The following PDXDC1 variants were observed in gnomAD, a reference collection of about 807,000 sequenced individuals.
PDXDC1 encodes the protein pyridoxal-dependent decarboxylase domain-containing protein 1.
PDXDC1 carries 42 observed loss-of-function variants against 100.1 expected under a neutral mutation model. The ratio of observed to expected loss-of-function variants is 0.42; its 90% confidence interval spans 0.33 to 0.54. PDXDC1 has a LOEUF of 0.54. PDXDC1 is among the 20% of genes least tolerant of loss of function. The pLI, the probability that PDXDC1 is intolerant of heterozygous loss-of-function variation, is 0.10. For missense variants in PDXDC1, 636 were observed against 979.2 expected (o/e 0.65, Z 4.68); for synonymous variants, 260 against 371.7 (o/e 0.70, Z 3.46).
downstream of PDXDC1, among the ~76,000 whole-genome samples, chr16:15,142,526 C>T (rs1157320970): frequency 6.6e-6 from 1 of 151,868 alleles, no homozygotes; most frequent in Non-Finnish European, 1.5e-5. Context: ...GGTGTGGAAG[C>T]GTCTGCCCTG....
chr16:15,091,216 G>A (rs1238907286), intron 16 of PDXDC1: 2 of 1,464,886 alleles, frequency 1.4e-6, no homozygotes, highest in African/African-American at 1.4e-5. Context: ...GGACCATGGA[G>A]AGAGCAAGTT....
At position 15,127,958 on chromosome 16, in the gene PDXDC1, T is replaced by A. The variant is rs1202569841; in HGVS notation, c.1400-10921T>A. 6 of 1,538,120 alleles carry A rather than the reference T, an allele frequency of 3.9e-6. No individual in the cohort carries two copies. The South Asian group carries it at 6.8e-5, about 17-fold the overall frequency. Reference sequence around the variant, plus strand: ...CGGGGCAGGACCACCCTGCCCAACCTCCCACGGAGTGGGAACATGGAACGA... The same window carrying A: ...CGGGGCAGGACCACCCTGCCCAACCACCCACGGAGTGGGAACATGGAACGA... On this transcript the variant is annotated intron_variant, in intron 16 of 16. Coordinates refer to the PDXDC1 transcript ENST00000535621.
chr16:15,130,447 C>G, intron 16 of PDXDC1: 1 of 1,474,810 alleles, frequency 6.8e-7, no homozygotes, highest in South Asian at 1.1e-5. Context: ...CCCACTGGGT[C>G]TCTGGTCCTG....
At chr16:15,006,905 A>G (rs1303762635) in intron 6 of PDXDC1, among the ~76,000 whole-genome samples, 4 of 152,284 alleles carry the variant, frequency 2.6e-5, no homozygotes, top group African/African-American at 9.6e-5. Flanking sequence ...ATAATTTTTC[A>G]AAGTATAGTT....
intron 16 of PDXDC1, chr16:15,128,084 G>C (rs748599715): frequency 3.1e-6 from 5 of 1,608,284 alleles, no homozygotes; most frequent in Non-Finnish European, 4.2e-6. Context: ...GCTGTGTGCC[G>C]TCTGCAGGTC....
chr16:15,068,229 T>C, intron 16 of PDXDC1: 1 of 1,593,208 alleles, frequency 6.3e-7, no homozygotes, highest in Non-Finnish European at 8.5e-7. Context: ...GGGATTTAGC[T>C]GGCTCATCAC....
At position 14,979,656 on chromosome 16, in the gene PDXDC1, C is replaced by G. The variant is rs1967503209; in HGVS notation, c.21+4436C>G. ...CTTTGACCCTGTTTCTGACCTAAATCAGCACAACTCAGCCCATTTTTGGTT... is the reference window on the plus strand; with the variant it reads ...CTTTGACCCTGTTTCTGACCTAAATGAGCACAACTCAGCCCATTTTTGGTT... On this transcript the variant is annotated intron_variant, in intron 1 of 22. Coordinates refer to ENST00000396410, the MANE Select transcript of PDXDC1 (RefSeq NM_015027.4). 2.0e-5 allele frequency among the ~76,000 whole-genome samples: 3 copies of G among 152,412 alleles called. No homozygotes were observed. In the South Asian group the frequency reaches 6.2e-4, roughly 32 times the overall value.
intron 16 of PDXDC1, chr16:15,072,967 G>C: frequency 6.2e-7 from 1 of 1,613,576 alleles, no homozygotes; most frequent in Non-Finnish European, 8.5e-7. Context: ...AAACTACAGA[G>C]GTAAAACATG....
At chr16:15,127,964 G>C in intron 16 of PDXDC1, 1 of 1,540,478 alleles carries the variant, frequency 6.5e-7, no homozygotes, top group African/African-American at 1.4e-5. Context: ...AACCTCCCAC[G>C]GAGTGGGAAC....
At chr16:15,027,654 G>A (rs1420504821) in intron 14 of PDXDC1, among the ~76,000 whole-genome samples, 3 of 152,404 alleles carry the variant, frequency 2.0e-5, no homozygotes, top group South Asian at 2.1e-4. Context: ...GCCAAACTCC[G>A]CCTCGTCCCC....
rs1459472196 is a variant in PDXDC1, at chr16:14,979,825, G to A, written c.21+4605G>A. On this transcript the variant is annotated intron_variant, in intron 1 of 22. Transcript: ENST00000396410. ...ATCATTACTTACTGATAAGGACTCC[G>A]AGAATTTCTATTCCTGCTCCTTCCT... 7.9e-5 allele frequency among the ~76,000 whole-genome samples: 12 copies of A among 152,272 alleles called. No individual in the cohort carries two copies. In the East Asian group the frequency reaches 1.9e-3, roughly 24 times the overall value.
At chr16:15,038,619 T>C, downstream of PDXDC1, 1 of 1,609,698 alleles carries the variant, frequency 6.2e-7, no homozygotes, top group Non-Finnish European at 8.5e-7. Context: ...AATCCACATG[T>C]GGAAATGGTG....
intron 16 of PDXDC1, among the ~76,000 whole-genome samples, chr16:15,098,402 T>C (rs1340995852): frequency 2.0e-5 from 3 of 151,862 alleles, no homozygotes; most frequent in African/African-American, 7.3e-5. Context: ...GGTTTCTCCA[T>C]GTTGCCCAGG....
intron 1 of PDXDC1, chr16:14,989,115 T>C (rs1970098996): frequency 5.6e-6 from 9 of 1,614,164 alleles, no homozygotes; most frequent in Non-Finnish European, 7.6e-6. Context: ...GTCAGTGATC[T>C]TCATTTCCAC....
At chr16:15,146,766 G>C in the PDXDC1 span, among the ~76,000 whole-genome samples, 5 of 152,180 alleles carry the variant, frequency 3.3e-5, no homozygotes, top group East Asian at 9.7e-4. Flanking sequence ...ATGGAGGACA[G>C]GGGAATGGGC....
chr16:15,080,112 T>G, intron 16 of PDXDC1: 1 of 1,589,544 alleles, frequency 6.3e-7, no homozygotes. Context: ...GGAGAAAATG[T>G]AAGATAAAAC....
intron 21 of PDXDC1, among the ~76,000 whole-genome samples, chr16:15,034,805 A>G (rs2043302299): frequency 6.6e-6 from 1 of 152,162 alleles, no homozygotes; most frequent in African/African-American, 2.4e-5. Context: ...CCATGAGGAC[A>G]CGCCCACTCA....
intron 15 of PDXDC1, chr16:15,029,417 A>G (rs2042886266): frequency 4.9e-6 from 2 of 405,202 alleles, no homozygotes; most frequent in Admixed American, 8.5e-5. Flanking sequence ...GGATGGCGGC[A>G]GCAGCAGTTC....
the PDXDC1 span, among the ~76,000 whole-genome samples, chr16:15,147,700 T>C: frequency 1.3e-5 from 2 of 152,106 alleles, no homozygotes; most frequent in Admixed American, 6.5e-5. Flanking sequence ...CATTTTTTTG[T>C]TTTTTTGAGA....
Sources: gnomAD v4.1 joint callset for allele counts (sites outside exome capture counted in the v4.1 genomes callset) on GRCh38, gnomAD v4.1.1 for gene constraint, MANE v1.5 for transcripts, NCBI Gene and HGNC (gene_info 2026-07-23, HGNC 2026-07-21) for gene names.